Variants in C16orf96 observed in about 807,000 individuals in gnomAD.
C16orf96 encodes the protein chromosome 16 open reading frame 96, also known as uncharacterized protein C16orf96.
In C16orf96, 108 loss-of-function variants were observed where a neutral mutation model predicts 103.6. That is an observed-to-expected ratio of 1.04 (90% confidence interval 0.89 to 1.22). C16orf96 has a LOEUF of 1.22. Among genes scored for constraint, C16orf96 ranks in the 50% most tolerant of loss-of-function variants. The pLI is 0.00. For synonymous variants in C16orf96, 566 were observed against 593.5 expected (o/e 0.95, Z 0.67); for missense variants, 1,586 against 1,464.2 (o/e 1.08, Z -1.36).
At chr16:4,548,201 T>C in the C16orf96 span, among the ~76,000 whole-genome samples, 1 of 152,166 alleles carries the variant, frequency 6.6e-6, no homozygotes, top group Non-Finnish European at 1.5e-5. Context: ...CCTGCCTCAC[T>C]CGCTGTCAGA....
At chr16:4,539,453 G>A in the C16orf96 span, among the ~76,000 whole-genome samples, 6 of 152,202 alleles carry the variant, frequency 3.9e-5, no homozygotes, top group East Asian at 1.9e-4. Context: ...GAAGGCTGAC[G>A]CAGGTGGATC....
In C16orf96 at chr16:4,574,900, G is replaced by A. The variant is rs1023286746; in HGVS notation, c.607-72G>A. 68 of 1,523,990 alleles carry A rather than the reference G, an allele frequency of 4.5e-5. No homozygotes were observed. The Middle Eastern group carries it at 5.3e-4, about 12-fold the overall frequency. The allele number at this position is 1,523,990 out of a possible 1,614,324, so 94.4% of individuals were successfully genotyped here. On this transcript the variant is annotated intron_variant, in intron 3 of 15. Transcript: ENST00000444310. ...AAGGAGGAGAACACAGCCTGGAAAG[G>A]TTTCTTTGCAGGTGTGGGGGACACT...
intron 1 of C16orf96, among the ~76,000 whole-genome samples, chr16:4,562,650 C>T (rs1448205489): frequency 6.6e-6 from 1 of 152,130 alleles, no homozygotes; most frequent in African/African-American, 2.4e-5. Context: ...CTTCATTCAA[C>T]ATTTTTAATA....
chr16:4,564,703 C>T (rs527757750), intron 1 of C16orf96, among the ~76,000 whole-genome samples: 22 of 152,190 alleles, frequency 1.4e-4, no homozygotes, highest in African/African-American at 3.6e-4. Flanking sequence ...CCCAGCCACT[C>T]GAGAGGCTGA....
At chr16:4,579,760 C>T (rs2059560649) in intron 6 of C16orf96, among the ~76,000 whole-genome samples, 2 of 151,952 alleles carry the variant, frequency 1.3e-5, no homozygotes, top group South Asian at 2.1e-4. Flanking sequence ...TACAGGGGCC[C>T]GCCACCACAC....
chr16:4,556,765 G>A lies in C16orf96; in HGVS notation c.276G>A (p.Glu92=). The change falls in exon 1 of 16, where the codon GAG becomes GAA. Residue 92 remains glutamate, a synonymous_variant. Transcript: ENST00000444310. ...DHVVSRLDKL[E]NQLALLQDLP... The stretch of plus-strand genomic sequence containing the variant: ...TGGTGAGCCGCCTCGACAAGTTGGA[G>A]AACCAGCTGGCCCTGCTGCAGGACC... 6.4e-7 allele frequency: 1 copy of A among 1,551,728 alleles called. No individual in the cohort carries two copies. Among genetic ancestry groups the A allele is most frequent in the South Asian group, 1.2e-5 (1 of 84,066 alleles).
chr16:4,549,648 A>T, the C16orf96 span, among the ~76,000 whole-genome samples: 1 of 151,590 alleles, frequency 6.6e-6, no homozygotes, highest in African/African-American at 2.4e-5. Context: ...AAATACAAAA[A>T]TTAGCCGGGC....
chr16:4,585,071 T>C (rs1896888824), intron 7 of C16orf96, among the ~76,000 whole-genome samples: 1 of 152,068 alleles, frequency 6.6e-6, no homozygotes, highest in Non-Finnish European at 1.5e-5. Flanking sequence ...CACTGGAGTC[T>C]GGGAGGTGGA....
At position 4,556,398 on chromosome 16, in the gene C16orf96, G is replaced by A. The variant is rs2059262458; in HGVS notation, c.-92G>A. On this transcript the variant is annotated 5_prime_UTR_variant, in exon 1 of 16. Coordinates refer to ENST00000444310, the MANE Select transcript of C16orf96 (RefSeq NM_001145011.2). Reference sequence around the variant, plus strand: ...CTCACCACCACCCCAGGCCTCTGAGGACCAGTCCATGTAGCTCTCGGAACC... The same window carrying A: ...CTCACCACCACCCCAGGCCTCTGAGAACCAGTCCATGTAGCTCTCGGAACC... 7.5e-7 allele frequency: 1 copy of A among 1,336,738 alleles called. No individual in the cohort carries two copies. The highest frequency in any genetic ancestry group is 1.5e-5 in the South Asian group (1 of 65,828). 82.8% of individuals were successfully genotyped at this position (1,336,738 alleles called of 1,614,324 possible). A position where few individuals can be genotyped will look rare whatever the true frequency, so the allele number is the denominator to read the frequency against.
At chr16:4,580,289 G>T (rs2141731815) in intron 7 of C16orf96, among the ~76,000 whole-genome samples, 164 bp downstream of exon 7, 1 of 148,286 alleles carries the variant, frequency 6.7e-6, no homozygotes, top group East Asian at 2.1e-4. Context: ...ACACTTCAAT[G>T]AAAAGCAAAC....
rs904523717 is a variant in C16orf96 at position 4,571,705 on chromosome 16, C to T, written c.525+40C>T. 4.1e-6 allele frequency: 6 copies of T among 1,453,972 alleles called. No homozygotes were observed. The Admixed American group carries it at 7.0e-5, about 17-fold the overall frequency. The allele number at this position is 1,453,972 out of a possible 1,614,324, so 90.1% of individuals were successfully genotyped here. A position where few individuals can be genotyped will look rare whatever the true frequency, so the allele number is the denominator to read the frequency against. On this transcript the variant is annotated intron_variant, in intron 2 of 15. Transcript: ENST00000444310. ...AGCATCCTCCATGCCAGCTGCGTTG[C>T]TCAGGCCTCTGGGGGTTGGAGCAAT...
intron 5 of C16orf96, among the ~76,000 whole-genome samples, chr16:4,578,650 C>G (rs1029724075): frequency 1.3e-5 from 2 of 151,800 alleles, no homozygotes; most frequent in Non-Finnish European, 2.9e-5. Context: ...CCCAGGTACT[C>G]GGGAGGCTGA....
At chr16:4,592,465 G>T in intron 11 of C16orf96, 98 bp downstream of exon 11, 1 of 1,366,866 alleles carries the variant, frequency 7.3e-7, no homozygotes. Flanking sequence ...CATGCACGCT[G>T]TGTGTCTACA....
At chr16:4,573,465 G>A (rs796166688) in intron 2 of C16orf96, among the ~76,000 whole-genome samples, 5 of 124,640 alleles carry the variant, frequency 4.0e-5, no homozygotes, top group East Asian at 2.5e-4. Context: ...AAAAGGTGGG[G>A]TCGGTGGGGC....
chr16:4,539,288 T>C, the C16orf96 span, among the ~76,000 whole-genome samples: 1 of 152,204 alleles, frequency 6.6e-6, no homozygotes, highest in African/African-American at 2.4e-5. Flanking sequence ...AGTTTAATAT[T>C]GAAACAAAGA....
At chr16:4,598,116 C>A (rs1212750144) in intron 14 of C16orf96, among the ~76,000 whole-genome samples, 1 of 152,178 alleles carries the variant, frequency 6.6e-6, no homozygotes, top group Non-Finnish European at 1.5e-5. Flanking sequence ...CTTTGGGAAG[C>A]TGAAGCCTGA....
chr16:4,547,681 CTTCCTTCCTTCTTTCTTTCTTTCT>C, the C16orf96 span, among the ~76,000 whole-genome samples: 33 of 16,476 alleles, frequency 2.0e-3, 1 homozygote, highest in Middle Eastern at 0.04. Context: ...TGCTTCCTTC[CTTCCTTCCTTCTTTCTTTCTTTCT>C]TTCTTTCTTT....
chr16:4,549,342 G>T, the C16orf96 span, among the ~76,000 whole-genome samples: 1 of 151,928 alleles, frequency 6.6e-6, no homozygotes, highest in Non-Finnish European at 1.5e-5. Flanking sequence ...GCGTGGTGGC[G>T]GGTGCCTGTA....
chr16:4,584,814 G>A (rs563302463), intron 7 of C16orf96, among the ~76,000 whole-genome samples: 29 of 151,696 alleles, frequency 1.9e-4, no homozygotes, highest in African/African-American at 5.8e-4. Flanking sequence ...GATTACAGGC[G>A]TGAGCCACCG....
Sources: allele counts gnomAD v4.1 joint callset (sites outside exome capture counted in the v4.1 genomes callset), GRCh38; gene constraint gnomAD v4.1.1; transcripts MANE v1.5; gene names NCBI Gene and HGNC (gene_info 2026-07-23, HGNC 2026-07-21).